Variants in TENM1 observed in about 807,000 individuals in gnomAD.
TENM1 encodes the protein teneurin transmembrane protein 1, also known as teneurin-1.
Under a neutral mutation model 174.8 loss-of-function variants are expected in TENM1, and 35 were observed. The ratio of observed to expected loss-of-function variants is 0.20; its 90% CI spans 0.15 to 0.27. The LOEUF (loss-of-function observed/expected upper bound fraction) is 0.27. Ranked by LOEUF, TENM1 falls within the 10% of genes least tolerant of loss-of-function variation. TENM1 has a pLI of 1.00. For missense variants in TENM1, 1,633 were observed against 2,130.1 expected (o/e 0.77, Z 4.59); for synonymous variants, 781 against 798.7 (o/e 0.98, Z 0.37).
At chrX:125,172,804 T>C in the TENM1 span, among the ~76,000 whole-genome samples, 1 of 111,782 alleles carries the variant, frequency 8.9e-6, no homozygotes, top group African/African-American at 3.2e-5. Context: ...TTTCTTAAAA[T>C]TGGCTAATGG....
At chrX:124,945,922 C>T (rs980699766) in intron 1 of TENM1, among the ~76,000 whole-genome samples, 1 of 112,055 alleles carries the variant, frequency 8.9e-6, no homozygotes, top group Admixed American at 9.5e-5. Context: ...CTTGATCTTA[C>T]AGGGCACCCT....
rs1324564202 is a variant in TENM1, at chrX:124,471,412, T to C, written c.3949+10320A>G. Reference sequence around the variant, plus strand: ...ACTATATATAATATATATTATAATATATAGTAATATATTATATATTATATA... The same window carrying C: ...ACTATATATAATATATATTATAATACATAGTAATATATTATATATTATATA... On this transcript the variant is annotated intron_variant, in intron 22 of 31. Coordinates refer to ENST00000422452, the Ensembl canonical transcript of TENM1. Among the ~76,000 whole-genome samples the C allele has an allele frequency of 7.5e-5, 2 of 26,706 alleles. 1 individual carries two copies. The highest frequency in any genetic ancestry group is 1.3e-4 in the Non-Finnish European group (2 of 15,541). 23.2% of individuals were successfully genotyped at this position (26,706 alleles called of 115,157 possible).
chrX:125,008,560 C>A, the TENM1 span, among the ~76,000 whole-genome samples: 1 of 112,081 alleles, frequency 8.9e-6, no homozygotes, highest in Admixed American at 9.4e-5. Flanking sequence ...AATTCTTCAC[C>A]CCAAATCAAC....
At chrX:124,828,383 G>A (rs1245422997) in intron 3 of TENM1, among the ~76,000 whole-genome samples, 1 of 112,221 alleles carries the variant, frequency 8.9e-6, no homozygotes, top group African/African-American at 3.2e-5. Flanking sequence ...TATACTCCTA[G>A]TATAGTTGTT....
exon 24 of TENM1, chrX:124,422,283 T>C (rs761923132): frequency 8.3e-7 from 1 of 1,207,902 alleles, no homozygotes; most frequent in South Asian, 1.8e-5. Context: ...TGAAAAACAG[T>C]CACAGTTTGG....
At chrX:124,611,747 C>G (rs1295339909) in intron 11 of TENM1, among the ~76,000 whole-genome samples, 1 of 111,933 alleles carries the variant, frequency 8.9e-6, no homozygotes, top group African/African-American at 3.2e-5. Context: ...CACTGTGATA[C>G]AGAAAATCTT....
At chrX:125,115,768 G>T in the TENM1 span, among the ~76,000 whole-genome samples, 1 of 111,141 alleles carries the variant, frequency 9.0e-6, no homozygotes, top group Admixed American at 9.6e-5. Context: ...AATATTCCAT[G>T]CTCATGAATA....
At chrX:124,644,976 A>G (rs2051120247) in intron 10 of TENM1, among the ~76,000 whole-genome samples, 167 bp downstream of exon 13, 1 of 111,524 alleles carries the variant, frequency 9.0e-6, no homozygotes, top group Admixed American at 9.6e-5. Context: ...AATCTGTCAG[A>G]AGAGACAAGA....
At chrX:125,104,458 T>C in the TENM1 span, among the ~76,000 whole-genome samples, 46 of 111,874 alleles carry the variant, frequency 4.1e-4, no homozygotes, top group African/African-American at 1.3e-3. Flanking sequence ...CTGAGATGTA[T>C]TCCTGCAATT....
intron 4 of TENM1, among the ~76,000 whole-genome samples, chrX:124,715,288 T>C (rs191536698): frequency 9.0e-6 from 1 of 111,227 alleles, no homozygotes; most frequent in Non-Finnish European, 1.9e-5. Flanking sequence ...AGTAGTTCAT[T>C]CCCTAACAGA....
At chrX:124,643,323 T>C (rs148770211) in intron 10 of TENM1, among the ~76,000 whole-genome samples, 3,956 of 111,085 alleles carry the variant, frequency 0.036, 193 homozygotes, top group African/African-American at 0.12. Context: ...CAAAATCATA[T>C]GGCTAAAGGG....
intron 3 of TENM1, among the ~76,000 whole-genome samples, chrX:124,845,024 G>A: frequency 9.0e-6 from 1 of 111,148 alleles, no homozygotes; most frequent in Non-Finnish European, 1.9e-5. Context: ...GTGACTAGTA[G>A]GGCCATTATT....
At chrX:124,894,738 C>T (rs2057534029) in intron 2 of TENM1, among the ~76,000 whole-genome samples, 2 of 111,210 alleles carry the variant, frequency 1.8e-5, no homozygotes, top group African/African-American at 6.5e-5. Context: ...TCACCTACCA[C>T]CCCATTTCAT....
At chrX:124,692,459 T>C (rs2052547947) in intron 5 of TENM1, among the ~76,000 whole-genome samples, 1 of 110,784 alleles carries the variant, frequency 9.0e-6, no homozygotes. Context: ...TAATAATTAC[T>C]ATTATAATAC....
chrX:124,562,492 G>C (rs1331435646), intron 13 of TENM1, among the ~76,000 whole-genome samples: 1 of 112,809 alleles, frequency 8.9e-6, no homozygotes, highest in South Asian at 3.6e-4. Flanking sequence ...TGTTAAATAA[G>C]TGTTTATGGA....
intron 23 of TENM1, among the ~76,000 whole-genome samples, chrX:124,446,438 A>G (rs1001638952): frequency 8.9e-6 from 1 of 112,637 alleles, no homozygotes; most frequent in Non-Finnish European, 1.9e-5. Flanking sequence ...TGAGCTCTCT[A>G]TAAGTGGTAG....
the TENM1 span, among the ~76,000 whole-genome samples, chrX:125,046,576 C>G: frequency 8.9e-6 from 1 of 112,028 alleles, no homozygotes; most frequent in Non-Finnish European, 1.9e-5. Flanking sequence ...TACACGGATA[C>G]AGAAGAAAAC....
At position 124,920,111 on chromosome X, in the gene TENM1, A is replaced by AAAAT. The variant is rs200423864; in HGVS notation, c.218-23874_218-23871dup. The stretch of plus-strand genomic sequence containing the variant: ...TATGATTAATTCTGAATCAACAAAA[A>AAAAT]AAATACGGATTAATGAAAATTCCTC... On this transcript the variant is annotated intron_variant, in intron 1 of 31. Transcript: ENST00000422452. 7.7e-3 allele frequency among the ~76,000 whole-genome samples: 856 copies of AAAAT among 111,732 alleles called. 10 individuals carry two copies. The highest frequency in any genetic ancestry group is 0.027 in the African/African-American group (821 of 30,836).
chrX:124,796,961 G>A (rs2055318630), intron 3 of TENM1, among the ~76,000 whole-genome samples: 1 of 111,754 alleles, frequency 8.9e-6, no homozygotes, highest in Non-Finnish European at 1.9e-5. Flanking sequence ...GAATGTCATG[G>A]TTAGGAATAA....
Sources: allele counts gnomAD v4.1 joint callset (sites outside exome capture counted in the v4.1 genomes callset), GRCh38; gene constraint gnomAD v4.1.1; transcripts MANE v1.5; gene names NCBI Gene and HGNC (gene_info 2026-07-23, HGNC 2026-07-21).